SP7: variants seen among roughly 807,000 people sequenced by gnomAD.
SP7 encodes Sp7 transcription factor.
SP7 carries 13 observed loss-of-function variants against 27.9 expected under a neutral mutation model. That is an observed-to-expected ratio of 0.47 (90% CI 0.30 to 0.74). The LOEUF (loss-of-function observed/expected upper bound fraction) is 0.74, where lower values mean the gene tolerates loss of function less well. SP7 is among the 30% of genes least tolerant of loss of function. The pLI, the probability that SP7 is intolerant of heterozygous loss-of-function variation, is 0.06. For synonymous variants in SP7, 219 were observed against 226.7 expected (o/e 0.97, Z 0.31); for missense variants, 525 against 558.0 (o/e 0.94, Z 0.60).
intron 2 of SP7, among the ~76,000 whole-genome samples, chr12:53,331,901 G>T (rs1382925116): frequency 6.6e-6 from 1 of 152,166 alleles, no homozygotes; most frequent in African/African-American, 2.4e-5. Context: ...CTGGGGCCCT[G>T]GGGTTGCCAT....
chr12:53,328,686 T>A lies in SP7; in HGVS notation c.756A>T (p.Ala252=). The A allele has an allele frequency of 1.2e-6, 2 of 1,606,884 alleles. No individual in the cohort carries two copies. The highest frequency in any genetic ancestry group is 1.7e-6 in the Non-Finnish European group (2 of 1,175,032). ...CATATCCACCACTACCCCCAGTGCT[T>A]GCACCCCGTGGGGGTTTGGCTCCAC... The part of the protein sequence containing the change: ...GSGGAKPPRG[A]STGGSGGYGG... The change falls in exon 3 of 3, where the codon GCA becomes GCT. Residue 252 remains alanine, a synonymous_variant. Coordinates refer to ENST00000536324, the MANE Select transcript of SP7 (RefSeq NM_001173467.3). The surrounding 1 kb of genome is among the most constrained non-coding windows in gnomAD (Gnocchi z 5.1).
intron 1 of SP7, 88 bp downstream of exon 1, chr12:53,336,057 AG>A: frequency 4.6e-6 from 1 of 218,042 alleles, no homozygotes; most frequent in Admixed American, 5.1e-5. Flanking sequence ...GAGAGGTTAA[AG>A]GGATGGTGGA....
At chr12:53,336,928 G>A (rs1469706207), upstream of SP7, among the ~76,000 whole-genome samples, 1 of 152,106 alleles carries the variant, frequency 6.6e-6, no homozygotes, top group Admixed American at 6.5e-5. Context: ...TCCTCCCAGT[G>A]CCTCAGTTTC....
chr12:53,332,980 A>T (rs1944723751), intron 2 of SP7, among the ~76,000 whole-genome samples: 1 of 152,082 alleles, frequency 6.6e-6, no homozygotes, highest in Non-Finnish European at 1.5e-5. Flanking sequence ...AAGCCCAGGG[A>T]CCCCACCCAG....
Position 53,329,321 on chromosome 12 carries a change from T to C in SP7, c.121A>G (p.Lys41Glu), listed in dbSNP as rs778463824. Reference sequence around the variant, plus strand: ...GAGTACGGCTTCTTTGTGCCTGCTTTGCCCAGAGTTGTTGAGTCCCGCAGA... The same window carrying C: ...GAGTACGGCTTCTTTGTGCCTGCTTCGCCCAGAGTTGTTGAGTCCCGCAGA... ...SPLRDSTTLG[K>E]AGTKKPYSVG... The change falls in exon 3 of 3, where the codon AAA becomes GAA. Residue 41 changes from lysine to glutamate, a missense_variant. Lys to Glu is a moderately conservative substitution (Grantham distance 56). Coordinates refer to ENST00000536324, the MANE Select transcript of SP7 (RefSeq NM_001173467.3). 2.5e-6 allele frequency: 4 copies of C among 1,613,854 alleles called. No individual in the cohort carries two copies. The African/African-American group carries it at 4.0e-5, about 16-fold the overall frequency.
intron 2 of SP7, among the ~76,000 whole-genome samples, chr12:53,332,893 T>A (rs1944722174): frequency 6.6e-6 from 1 of 151,990 alleles, no homozygotes; most frequent in Admixed American, 6.6e-5. Flanking sequence ...ATGGTTTCCC[T>A]GCGGTCGGTT....
upstream of SP7, among the ~76,000 whole-genome samples, chr12:53,339,369 C>G (rs1223199712): frequency 6.6e-6 from 1 of 152,200 alleles, no homozygotes; most frequent in Admixed American, 6.5e-5. Context: ...GCACCTGCCT[C>G]AGTTCTCCAA....
intron 2 of SP7, among the ~76,000 whole-genome samples, chr12:53,330,624 T>G (rs535993234): frequency 7.2e-5 from 11 of 152,292 alleles, no homozygotes; most frequent in African/African-American, 2.6e-4. Context: ...ATCGAGGCCA[T>G]GGGCAGGGCC....
rs1254419433 is a variant in SP7, at chr12:53,328,661, C to G, written c.781G>C (p.Gly261Arg). ...GAGGAGCGCCCTGCCCCACTGCCCC[C>G]ATATCCACCACTACCCCCAGTGCTT... ...GASTGGSGGY[G>R]GSGAGRSSCD... The change falls in exon 3 of 3, where the codon GGG (glycine) becomes CGG (arginine). Residue 261 changes from glycine (G) to arginine (R), a missense_variant. Coordinates refer to ENST00000536324, the MANE Select transcript of SP7 (RefSeq NM_001173467.3). This position sits in a 1 kb window ranked among gnomAD's most constrained non-coding sequence, Gnocchi z 5.1. 6.2e-7 allele frequency: 1 copy of G among 1,610,262 alleles called. No individual in the cohort carries two copies. Among genetic ancestry groups the G allele is most frequent in the Non-Finnish European group, 8.5e-7 (1 of 1,177,346 alleles).
Position 53,335,707 on chromosome 12 carries a change from TGG to T in SP7, c.-47-16_-47-15del. On this transcript the variant is annotated splice_polypyrimidine_tract_variant and intron_variant, in intron 1 of 2. Transcript: ENST00000536324. The stretch of plus-strand genomic sequence containing the variant: ...AGATGGAGAGAGCTGAGCCGGGGGG[TGG>T]GGGGGGTAGAGAGAGAAAAGGGAGA... 22 of 230,050 alleles carry T rather than the reference TGG, an allele frequency of 9.6e-5. No homozygotes were observed. Among genetic ancestry groups the T allele is most frequent in the Non-Finnish European group, 1.2e-4 (19 of 162,192 alleles). 14.3% of individuals were successfully genotyped at this position (230,050 alleles called of 1,614,324 possible).
At chr12:53,342,507 A>G (rs191395705) in intron 1 of SP7, among the ~76,000 whole-genome samples, 136 of 152,278 alleles carry the variant, frequency 8.9e-4, no homozygotes, top group Non-Finnish European at 1.5e-3. Context: ...AAGAGTAGGA[A>G]GTATCTCGAT....
upstream of SP7, among the ~76,000 whole-genome samples, chr12:53,338,243 G>T (rs1271412090): frequency 6.6e-6 from 1 of 152,214 alleles, no homozygotes; most frequent in East Asian, 1.9e-4. Flanking sequence ...GAGAGGAAGT[G>T]CCCGTGGTGG....
upstream of SP7, among the ~76,000 whole-genome samples, chr12:53,336,970 A>G (rs893627527): frequency 6.6e-6 from 1 of 151,994 alleles, no homozygotes; most frequent in African/African-American, 2.4e-5. Flanking sequence ...GGCCTACCTC[A>G]CTTTGTGGGG....
chr12:53,338,485 C>T (rs1299404882), upstream of SP7, among the ~76,000 whole-genome samples: 1 of 151,696 alleles, frequency 6.6e-6, no homozygotes, highest in East Asian at 1.9e-4. Flanking sequence ...GGGGTTGGGA[C>T]TCAGATTAGA....
chr12:53,328,975 G>A lies in SP7; in HGVS notation c.467C>T (p.Thr156Ile). ...GISPGPGNTP[T>I]PWWDMHPGGN... Reference sequence around the variant, plus strand: ...TCCAGGGTGCATATCCCACCATGGAGTAGGAGTGTTGCCTGGGCCTGGTGA... The same window carrying A: ...TCCAGGGTGCATATCCCACCATGGAATAGGAGTGTTGCCTGGGCCTGGTGA... The change falls in exon 3 of 3, where the codon ACT (threonine) becomes ATT (isoleucine). Residue 156 changes from threonine (T) to isoleucine (I), a missense_variant. Coordinates refer to ENST00000536324, the MANE Select transcript of SP7 (RefSeq NM_001173467.3). This position sits in a 1 kb window ranked among gnomAD's most constrained non-coding sequence, Gnocchi z 5.1. The A allele has an allele frequency of 6.2e-7, 1 of 1,612,800 alleles. No homozygotes were observed. The highest frequency in any genetic ancestry group is 1.1e-5 in the South Asian group (1 of 90,966).
chr12:53,337,530 C>G (rs1271477836), upstream of SP7, among the ~76,000 whole-genome samples: 1 of 152,182 alleles, frequency 6.6e-6, no homozygotes, highest in African/African-American at 2.4e-5. Context: ...ACTTCTCCCC[C>G]TCCCAGCTCT....
upstream of SP7, among the ~76,000 whole-genome samples, chr12:53,340,580 G>A (rs889141149): frequency 6.6e-6 from 1 of 152,112 alleles, no homozygotes; most frequent in South Asian, 2.1e-4. Flanking sequence ...CTGCGGCCCC[G>A]CTGACTCATC....
chr12:53,333,228 G>A (rs550648219), intron 2 of SP7, among the ~76,000 whole-genome samples: 5 of 152,158 alleles, frequency 3.3e-5, no homozygotes, highest in Non-Finnish European at 7.3e-5. Context: ...AAAGAGCACT[G>A]GTTAAGAGTT....
rs747267075 is a variant in SP7, at chr12:53,329,406, ATAGTGAACTTC to A, written c.25_35del (p.Glu9TrpfsTer19). On this transcript the variant is annotated frameshift_variant, in exon 3 of 3. Coordinates refer to ENST00000536324, the MANE Select transcript of SP7 (RefSeq NM_001173467.3). LOFTEE classifies it high-confidence loss of function. ...TCAGCATGGCCAGGGGACTGGAGCC[ATAGTGAACTTC>A]CTCCTGTGGAAAGAGGGACGCACTG... 30 of 1,613,774 alleles carry A rather than the reference ATAGTGAACTTC, an allele frequency of 1.9e-5. No individual in the cohort carries two copies. The highest frequency in any genetic ancestry group is 1.9e-5 in the Non-Finnish European group (23 of 1,179,794).
Sources: allele counts gnomAD v4.1 joint callset (sites outside exome capture counted in the v4.1 genomes callset), GRCh38; gene constraint gnomAD v4.1.1; non-coding constraint Gnocchi (gnomAD v3.1); transcripts MANE v1.5; gene names NCBI Gene and HGNC (gene_info 2026-07-23, HGNC 2026-07-21).